OR6N1: variants seen among roughly 807,000 people sequenced by gnomAD.
OR6N1 encodes olfactory receptor 6N1.
For missense variants in OR6N1, 394 were observed against 371.7 expected, an observed-to-expected ratio of 1.06 and a Z score of -0.49; for synonymous variants, 170 against 150.7, an observed-to-expected ratio of 1.13 and a Z score of -0.94.
intron 1 of OR6N1, among the ~76,000 whole-genome samples, chr1:158,768,699 CT>C: frequency 6.6e-6 from 1 of 152,320 alleles, no homozygotes; most frequent in East Asian, 1.9e-4. Context: ...TCTAGAATCT[CT>C]TTCACCATTT....
At chr1:158,824,819 A>C in the OR6N1 span, among the ~76,000 whole-genome samples, 49 of 152,328 alleles carry the variant, frequency 3.2e-4, no homozygotes, top group African/African-American at 1.1e-3. Context: ...AATCAGTTCA[A>C]GATTAATTAA....
chr1:158,827,920 C>T, the OR6N1 span, among the ~76,000 whole-genome samples: 1 of 152,272 alleles, frequency 6.6e-6, no homozygotes, highest in Non-Finnish European at 1.5e-5. Context: ...CTCACAATCA[C>T]AGCAGAAGGT....
chr1:158,787,618 CTA>C, the OR6N1 span, among the ~76,000 whole-genome samples: 73 of 125,124 alleles, frequency 5.8e-4, no homozygotes, highest in South Asian at 8.3e-4. Flanking sequence ...ATCTATCTCT[CTA>C]TCTCTCTCTC....
chr1:158,767,705 C>CA (rs1482678421), intron 1 of OR6N1, among the ~76,000 whole-genome samples: 3 of 152,080 alleles, frequency 2.0e-5, no homozygotes, highest in African/African-American at 4.8e-5. Flanking sequence ...ACTAAACAAA[C>CA]AAAAAAGCAA....
At chr1:158,777,044 C>G, upstream of OR6N1, 1 of 1,614,052 alleles carries the variant, frequency 6.2e-7, no homozygotes, top group Non-Finnish European at 8.5e-7. Flanking sequence ...GCAAAGTCCA[C>G]CAGAATGTTA....
chr1:158,808,556 G>A, the OR6N1 span: 3 of 153,062 alleles, frequency 2.0e-5, no homozygotes, highest in Non-Finnish European at 4.4e-5. Context: ...ACTCCCAGGT[G>A]AGCCCACATA....
chr1:158,832,153 A>G, the OR6N1 span, among the ~76,000 whole-genome samples: 2 of 152,228 alleles, frequency 1.3e-5, no homozygotes, highest in East Asian at 1.9e-4. Context: ...TCAGTCATAG[A>G]TAACATTTTT....
intron 1 of OR6N1, among the ~76,000 whole-genome samples, chr1:158,768,392 C>T (rs1301108799): frequency 5.3e-5 from 8 of 152,194 alleles, no homozygotes; most frequent in African/African-American, 1.9e-4. Context: ...CAAATGATGG[C>T]AATTGCAATC....
chr1:158,828,737 G>T, the OR6N1 span, among the ~76,000 whole-genome samples: 1 of 152,340 alleles, frequency 6.6e-6, no homozygotes, highest in Admixed American at 6.5e-5. Context: ...CAGGGACTCT[G>T]TGTAGGGTCT....
chr1:158,834,725 TTTTG>T, the OR6N1 span, among the ~76,000 whole-genome samples: 1 of 152,216 alleles, frequency 6.6e-6, no homozygotes, highest in Non-Finnish European at 1.5e-5. Flanking sequence ...AGCCTTTCCC[TTTTG>T]TTTTATTCTG....
rs944529312 is a variant in OR6N1, at chr1:158,764,676, A to G, written c.*1068T>C. On this transcript the variant is annotated 3_prime_UTR_variant, in exon 2 of 2. Coordinates refer to ENST00000641846, the MANE Select transcript of OR6N1 (RefSeq NM_001005185.2). ...AAAGAATACATAATATTAGCTATTA[A>G]TTGAATCCCCAGATCTCTCATATGC... 1 of 152,142 alleles carries G rather than the reference A, an allele frequency of 6.6e-6. No homozygotes were observed. Among genetic ancestry groups the G allele is most frequent in the Non-Finnish European group, 1.5e-5 (1 of 67,990 alleles). 9.4% of individuals were successfully genotyped at this position (152,142 alleles called of 1,614,324 possible). A position where few individuals can be genotyped will look rare whatever the true frequency, so the allele number is the denominator to read the frequency against.
the OR6N1 span, among the ~76,000 whole-genome samples, chr1:158,780,150 C>A: frequency 6.6e-6 from 1 of 152,174 alleles, no homozygotes; most frequent in African/African-American, 2.4e-5. Context: ...TTTCCCTAAT[C>A]CTGTTGAAAG....
chr1:158,837,777 T>C, the OR6N1 span, among the ~76,000 whole-genome samples: 1 of 151,976 alleles, frequency 6.6e-6, no homozygotes, highest in South Asian at 2.1e-4. Flanking sequence ...ATTTGTTTTC[T>C]GTATGTCTTA....
the OR6N1 span, among the ~76,000 whole-genome samples, chr1:158,819,233 T>C: frequency 2.1e-3 from 314 of 152,298 alleles, 2 homozygotes; most frequent in African/African-American, 7.0e-3. Context: ...GGAATGTAGA[T>C]CAGGATGTCA....
At chr1:158,777,274 T>C in the OR6N1 span, 1 of 1,613,996 alleles carries the variant, frequency 6.2e-7, no homozygotes, top group African/African-American at 1.3e-5. Context: ...CAGGTATCTA[T>C]CATAGGCCAT....
chr1:158,836,809 T>G, the OR6N1 span, among the ~76,000 whole-genome samples: 240 of 151,932 alleles, frequency 1.6e-3, 1 homozygote, highest in African/African-American at 5.8e-3. Context: ...AAAGTCAGAT[T>G]ATTGATTTGA....
the OR6N1 span, among the ~76,000 whole-genome samples, chr1:158,838,140 C>T: frequency 6.6e-6 from 1 of 151,806 alleles, no homozygotes; most frequent in Admixed American, 6.6e-5. Flanking sequence ...TAGCAAAAGT[C>T]ATGTTTCATG....
the OR6N1 span, among the ~76,000 whole-genome samples, chr1:158,799,549 A>T: frequency 7.9e-5 from 12 of 152,204 alleles, no homozygotes; most frequent in African/African-American, 2.9e-4. Flanking sequence ...ATGAAAGTTA[A>T]ATCTTTTGGA....
At position 158,765,904 on chromosome 1, in the gene OR6N1, A is replaced by G; in HGVS notation, c.779T>C (p.Val260Ala). 6.2e-7 allele frequency: 1 copy of G among 1,614,154 alleles called. No individual in the cohort carries two copies. The highest frequency in any genetic ancestry group is 8.5e-7 in the Non-Finnish European group (1 of 1,180,012). ...IFYGSILSMY[V>A]QLKKSYSLDY... ...CAGTGAGTAGCTCTTCTTCAGCTGCACATACATGGAAAGGATGCTCCCATA... is the reference window on the plus strand; with the variant it reads ...CAGTGAGTAGCTCTTCTTCAGCTGCGCATACATGGAAAGGATGCTCCCATA... The change falls in exon 2 of 2, where the codon GTG becomes GCG. Residue 260 changes from valine to alanine, a missense_variant. Transcript: ENST00000641846.
Sources: gnomAD v4.1 joint callset for allele counts (sites outside exome capture counted in the v4.1 genomes callset) on GRCh38, gnomAD v4.1.1 for gene constraint, MANE v1.5 for transcripts, NCBI Gene and HGNC (gene_info 2026-07-23, HGNC 2026-07-21) for gene names.